Variants in CTSE observed in about 807,000 individuals in gnomAD.
CTSE encodes the protein cathepsin E, also known as erythrocyte membrane aspartic proteinase.
In CTSE, 43 loss-of-function variants were observed where a neutral mutation model predicts 42.8. The observed-to-expected ratio is 1.01, with a 90% CI of 0.79 to 1.30. The LOEUF (loss-of-function observed/expected upper bound fraction) is 1.30. Ranked by LOEUF, CTSE falls within the 50% of genes most tolerant of loss-of-function variation. CTSE has a pLI of 0.00. For synonymous variants in CTSE, 205 were observed against 191.5 expected (o/e 1.07, Z -0.58); for missense variants, 532 against 493.5 (o/e 1.08, Z -0.74).
At chr1:206,013,743 A>G in intron 6 of CTSE, 29 bp downstream of exon 6, 2 of 1,610,596 alleles carry the variant, frequency 1.2e-6, no homozygotes, top group Admixed American at 1.7e-5. Context: ...TACCCCTAGT[A>G]CTGTCACTAC....
In CTSE at chr1:206,010,605, G is replaced by GT. The variant is rs1323767094; in HGVS notation, c.1027-259dup. Among the ~76,000 whole-genome samples the GT allele has an allele frequency of 3.9e-5, 6 of 152,096 alleles. No individual in the cohort carries two copies. In the East Asian group the frequency reaches 1.2e-3, roughly 29 times the overall value. On this transcript the variant is annotated intron_variant, in intron 8 of 8. Coordinates refer to ENST00000358184, the MANE Select transcript of CTSE (RefSeq NM_001910.4). ...CTACAATTTTGAGAACTGTTCATCTGTTATATACTCCCACCTACCCCTGTC... is the reference window on the plus strand; with the variant it reads ...CTACAATTTTGAGAACTGTTCATCTGTTTATATACTCCCACCTACCCCTGTC...
At position 206,020,956 on chromosome 1, in the gene CTSE, A is replaced by G. The variant is rs375453920; in HGVS notation, c.462+93T>C. The G allele has an allele frequency of 1.7e-4, 154 of 931,970 alleles. No individual in the cohort carries two copies. In the East Asian group the frequency reaches 2.8e-3, roughly 17 times the overall value. 57.7% of individuals were successfully genotyped at this position (931,970 alleles called of 1,614,324 possible). On this transcript the variant is annotated intron_variant, in intron 4 of 8. Coordinates refer to ENST00000358184, the MANE Select transcript of CTSE (RefSeq NM_001910.4). ...GAAGTTAGTGCTAACCCCTGTTTCC[A>G]CCCATTCCTGAGGCAGATTTGAAAT...
intron 3 of CTSE, chr1:206,021,465 C>G: frequency 2.9e-6 from 1 of 339,880 alleles, no homozygotes; most frequent in Non-Finnish European, 5.3e-6. Context: ...CAGTCCCTGC[C>G]ACCCATTGTG....
In CTSE at chr1:206,022,850, G is replaced by T. The variant is rs782402265; in HGVS notation, c.225+51C>A. 3 of 1,498,644 alleles carry T rather than the reference G, an allele frequency of 2.0e-6. 1 individual carries two copies. The allele number at this position is 1,498,644 out of a possible 1,614,324, so 92.8% of individuals were successfully genotyped here. ...GGCACTGGCCATGCCCTAATGCTGG[G>T]CCTTCCTCCCGCTCCCACCTCTCCC... On this transcript the variant is annotated intron_variant, in intron 2 of 8. Coordinates refer to ENST00000358184, the MANE Select transcript of CTSE (RefSeq NM_001910.4).
intron 8 of CTSE, 69 bp downstream of exon 8, chr1:206,012,239 T>C (rs193063217): frequency 2.3e-6 from 3 of 1,314,082 alleles, no homozygotes; most frequent in Admixed American, 1.8e-5. Flanking sequence ...GTGCAGGCGA[T>C]TGAAAAGGGG....
chr1:206,015,161 A>G (rs550654921), intron 5 of CTSE, among the ~76,000 whole-genome samples: 1 of 152,224 alleles, frequency 6.6e-6, no homozygotes, highest in East Asian at 1.9e-4. Context: ...AAAATGTACT[A>G]TCTTACCCAT....
intron 4 of CTSE, among the ~76,000 whole-genome samples, chr1:206,019,430 T>A (rs1468432774): frequency 6.6e-6 from 1 of 151,920 alleles, no homozygotes; most frequent in Admixed American, 6.6e-5. Flanking sequence ...CAAAAGCTGA[T>A]GATTTGTTAG....
chr1:206,013,632 C>G (rs782613721), intron 6 of CTSE, 140 bp downstream of exon 6: 1 of 1,066,822 alleles, frequency 9.4e-7, no homozygotes, highest in African/African-American at 1.6e-5. Context: ...CACACTTGCT[C>G]AGCACCTCCA....
intron 5 of CTSE, among the ~76,000 whole-genome samples, chr1:206,014,330 G>A (rs1323588655): frequency 6.6e-6 from 1 of 151,980 alleles, no homozygotes; most frequent in African/African-American, 2.4e-5. Context: ...AAGGCAAAGA[G>A]GCTAATATGA....
chr1:206,016,757 T>C (rs78513579), intron 4 of CTSE, among the ~76,000 whole-genome samples: 3,551 of 152,190 alleles, frequency 0.023, 137 homozygotes, highest in African/African-American at 0.08. Flanking sequence ...TTGATAGTTT[T>C]GTATTTTCTG....
intron 8 of CTSE, among the ~76,000 whole-genome samples, chr1:206,011,634 A>C (rs552239558): frequency 6.6e-6 from 1 of 152,128 alleles, no homozygotes; most frequent in African/African-American, 2.4e-5. Context: ...CCCTCAGTCT[A>C]TACCTTAGCA....
chr1:206,017,751 A>G (rs1049183332), intron 4 of CTSE, among the ~76,000 whole-genome samples: 3 of 152,072 alleles, frequency 2.0e-5, no homozygotes, highest in Admixed American at 6.6e-5. Context: ...TGCTGGGATT[A>G]CAGGCGTGAG....
At chr1:206,013,943 C>G (rs782665741) in intron 5 of CTSE, 49 bp from the exon 6 acceptor site, 4 of 1,603,930 alleles carry the variant, frequency 2.5e-6, no homozygotes. Flanking sequence ...CTGCAAAACT[C>G]TAGGGGTGAG....
rs1231386260 is a variant in CTSE, at chr1:206,021,095, T to A, written c.416A>T (p.Tyr139Phe). 1 of 1,613,558 alleles carries A rather than the reference T, an allele frequency of 6.2e-7. No individual in the cohort carries two copies. Among genetic ancestry groups the A allele is most frequent in the Non-Finnish European group, 8.5e-7 (1 of 1,179,650 alleles). ...GATCCCGGACAAGCTCCCGGTTCCA[T>A]ACTGAATGGAGAAAGATTGACCTGG... ...SQPGQSFSIQ[Y>F]GTGSLSGIIG... The change falls in exon 4 of 9, where the codon TAT (tyrosine) becomes TTT (phenylalanine). Residue 139 changes from tyrosine to phenylalanine, a missense_variant. By Grantham distance (22) the Tyr-to-Phe change is conservative. Transcript: ENST00000358184.
intron 2 of CTSE, 107 bp downstream of exon 2, chr1:206,022,794 A>C (rs1661479152): frequency 8.7e-7 from 1 of 1,150,014 alleles, no homozygotes; most frequent in Non-Finnish European, 1.2e-6. Context: ...CAAGTGAAGA[A>C]ATCCACAATG....
chr1:206,013,778 A>C lies in CTSE; in HGVS notation c.779T>G (p.Leu260Arg). The change falls in exon 6 of 9, where the codon CTG becomes CGG. Residue 260 changes from leucine (L) to arginine (R), a missense_variant. By Grantham distance (102) the Leu-to-Arg change is moderately radical (BLOSUM62 -2). Coordinates refer to ENST00000358184, the MANE Select transcript of CTSE (RefSeq NM_001910.4). ...VTKQAYWQIA[L>R]DNIQVGGTVM... ...CTTCATGGGGAATACTCACTTATCCAGTGCAATCTGCCAGTAAGCTTGCTT... is the reference window on the plus strand; with the variant it reads ...CTTCATGGGGAATACTCACTTATCCCGTGCAATCTGCCAGTAAGCTTGCTT... The C allele has an allele frequency of 6.2e-7, 1 of 1,613,684 alleles. No individual in the cohort carries two copies. The highest frequency in any genetic ancestry group is 8.5e-7 in the Non-Finnish European group (1 of 1,179,778).
rs1661238818 is a variant in CTSE, at chr1:206,015,586, C to CT, written c.662+344dup. 3.3e-5 allele frequency among the ~76,000 whole-genome samples: 5 copies of CT among 152,158 alleles called. No homozygotes were observed. The South Asian group carries it at 1.0e-3, about 32-fold the overall frequency. On this transcript the variant is annotated intron_variant, in intron 5 of 8. Transcript: ENST00000358184. ...TTTCATTTTTTTCTGCCTCCTCCTC[C>CT]TGCAGGTACTGTCTTTCTTGTTTCA... is the stretch of plus-strand genomic sequence containing the variant.
At chr1:206,010,420 T>TGTG in intron 8 of CTSE, 73 bp from the exon 9 acceptor site, 1 of 1,375,718 alleles carries the variant, frequency 7.3e-7, no homozygotes, top group Non-Finnish European at 1.0e-6. Context: ...AGGCTGCCTG[T>TGTG]GTGGTGGTGG....
intron 5 of CTSE, among the ~76,000 whole-genome samples, chr1:206,014,858 G>T (rs1488587022): frequency 1.3e-5 from 2 of 152,034 alleles, no homozygotes; most frequent in Non-Finnish European, 2.9e-5. Flanking sequence ...TCCTAGGCCT[G>T]GTCCTGAGTG....
Sources: allele counts gnomAD v4.1 joint callset (sites outside exome capture counted in the v4.1 genomes callset), GRCh38; gene constraint gnomAD v4.1.1; transcripts MANE v1.5; gene names NCBI Gene and HGNC (gene_info 2026-07-23, HGNC 2026-07-21).